Variants in ATP2C2 observed in about 807,000 individuals in gnomAD.
The protein encoded by ATP2C2 is calcium-transporting ATPase type 2C member 2.
A neutral mutation model predicts 110.8 loss-of-function variants in ATP2C2; 171 were observed. The ratio of observed to expected loss-of-function variants is 1.54; its 90% CI spans 1.36 to 1.75. ATP2C2 has a LOEUF of 1.75. Among genes scored for constraint, ATP2C2 ranks in the 40% most tolerant of loss-of-function variants. ATP2C2 has a pLI of 0.00. For synonymous variants in ATP2C2, 804 were observed against 508.4 expected, an observed-to-expected ratio of 1.58 and a Z score of -7.82; for missense variants, 1,963 against 1,235.0, an observed-to-expected ratio of 1.59 and a Z score of -8.84.
intron 2 of ATP2C2, among the ~76,000 whole-genome samples, chr16:84,403,125 G>C (rs991903298): frequency 1.3e-5 from 2 of 152,000 alleles, no homozygotes; most frequent in Admixed American, 6.6e-5. Context: ...TATAATTTGT[G>C]AAGTTTCCTT....
intron 4 of ATP2C2, among the ~76,000 whole-genome samples, chr16:84,409,425 T>G (rs1043726207): frequency 3.3e-5 from 5 of 152,156 alleles, no homozygotes; most frequent in South Asian, 2.1e-4. Context: ...GTTGTGCACA[T>G]GTACCCTAGA....
intron 15 of ATP2C2, among the ~76,000 whole-genome samples, chr16:84,443,937 C>T (rs984096526): frequency 6.6e-6 from 1 of 152,112 alleles, no homozygotes; most frequent in African/African-American, 2.4e-5. Flanking sequence ...GAGGCTAAGG[C>T]GGGAGGATCA....
intron 11 of ATP2C2, 100 bp downstream of exon 11, chr16:84,425,901 G>A: frequency 2.1e-6 from 3 of 1,443,858 alleles, no homozygotes; most frequent in Non-Finnish European, 2.9e-6. Flanking sequence ...AGAATAGGAA[G>A]GGTTGGGAAG....
At chr16:84,459,670 T>TC in intron 23 of ATP2C2, 1 of 1,296,864 alleles carries the variant, frequency 7.7e-7, no homozygotes, top group South Asian at 1.3e-5. Context: ...CATGCTTCAT[T>TC]CCAGTCACCA....
chr16:84,399,211 C>T (rs2045532052), intron 2 of ATP2C2, among the ~76,000 whole-genome samples: 1 of 152,144 alleles, frequency 6.6e-6, no homozygotes, highest in Admixed American at 6.5e-5. Context: ...AATAAAAAGC[C>T]CCCAGGAAAA....
chr16:84,400,689 C>G (rs1423344776), intron 2 of ATP2C2, among the ~76,000 whole-genome samples: 1 of 152,162 alleles, frequency 6.6e-6, no homozygotes, highest in East Asian at 1.9e-4. Flanking sequence ...TACATTCCTA[C>G]CAACAGTGTA....
At chr16:84,405,991 C>G (rs777399962) in intron 3 of ATP2C2, among the ~76,000 whole-genome samples, 1 of 152,176 alleles carries the variant, frequency 6.6e-6, no homozygotes, top group Non-Finnish European at 1.5e-5. Context: ...AAGTGTGTCC[C>G]AATACAGTGG....
chr16:84,405,532 C>T (rs1044402443), intron 3 of ATP2C2, among the ~76,000 whole-genome samples: 26 of 152,318 alleles, frequency 1.7e-4, no homozygotes, highest in African/African-American at 5.5e-4. Context: ...CTCCTAATCC[C>T]GCCTTTGCAC....
intron 11 of ATP2C2, among the ~76,000 whole-genome samples, chr16:84,430,850 C>T (rs8044994): frequency 0.36 from 54,667 of 151,730 alleles, 10,036 homozygotes; most frequent in South Asian, 0.39. Context: ...ATGGAAGAGA[C>T]AGACTTCAAA....
intron 1 of ATP2C2, among the ~76,000 whole-genome samples, chr16:84,370,307 C>T (rs905178442): frequency 2.0e-5 from 3 of 152,234 alleles, no homozygotes; most frequent in African/African-American, 7.2e-5. Flanking sequence ...GTGCTCTCAG[C>T]AGCATCCTGA....
chr16:84,433,395 CAAAAG>C (rs888035186), intron 11 of ATP2C2, among the ~76,000 whole-genome samples: 11 of 139,010 alleles, frequency 7.9e-5, no homozygotes, highest in Admixed American at 1.4e-4. Flanking sequence ...AAAACAAAAA[CAAAAG>C]AAAACCAAAA....
chr16:84,370,939 A>T (rs1219734531), intron 1 of ATP2C2, among the ~76,000 whole-genome samples: 2 of 152,166 alleles, frequency 1.3e-5, no homozygotes. Flanking sequence ...TGAGGATGTG[A>T]GGCTCCTAGT....
chr16:84,405,673 A>G (rs1905701941), intron 3 of ATP2C2, among the ~76,000 whole-genome samples: 1 of 152,136 alleles, frequency 6.6e-6, no homozygotes, highest in Non-Finnish European at 1.5e-5. Flanking sequence ...TAATCCAAGC[A>G]CTTTGGGCGG....
chr16:84,442,740 G>A, intron 15 of ATP2C2, 141 bp downstream of exon 15: 1 of 781,118 alleles, frequency 1.3e-6, no homozygotes, highest in South Asian at 1.5e-5. Flanking sequence ...CTGGCCTTGG[G>A]CCATCTGTTG....
rs62048828 is a variant in ATP2C2, at chr16:84,399,692, C to G, written c.210+1083C>G. ...GGTTCCAGAGATACTTTGATACAGG[C>G]ATACGCTATAATAATCACATCAGGG... is the stretch of plus-strand genomic sequence containing the variant. On this transcript the variant is annotated intron_variant, in intron 2 of 26. Transcript: ENST00000262429. Among the ~76,000 whole-genome samples the G allele has an allele frequency of 9.5e-3, 1,452 of 152,232 alleles. 30 individuals are homozygous for G. Among genetic ancestry groups the G allele is most frequent in the African/African-American group, 0.033 (1,357 of 41,542 alleles).
In ATP2C2 at chr16:84,426,797, G is replaced by A. The variant is rs541014552; in HGVS notation, c.986+996G>A. Among the ~76,000 whole-genome samples, 27 of 152,302 alleles carry A rather than the reference G, an allele frequency of 1.8e-4. No homozygotes were observed. The South Asian group carries it at 4.6e-3, about 26-fold the overall frequency. ...GGATGTAGAGCCCAAGGCCACACGCGGACAGCAGGGCTGGGAGTCATCATC... is the reference window on the plus strand; with the variant it reads ...GGATGTAGAGCCCAAGGCCACACGCAGACAGCAGGGCTGGGAGTCATCATC... On this transcript the variant is annotated intron_variant, in intron 11 of 26. Coordinates refer to ENST00000262429, the MANE Select transcript of ATP2C2 (RefSeq NM_014861.4).
At chr16:84,390,354 C>T (rs1461810117) in intron 1 of ATP2C2, among the ~76,000 whole-genome samples, 2 of 152,220 alleles carry the variant, frequency 1.3e-5, no homozygotes, top group African/African-American at 4.8e-5. Context: ...ACGTGCACTT[C>T]GTGGTCCCCT....
intron 1 of ATP2C2, among the ~76,000 whole-genome samples, chr16:84,383,735 C>CGGTGTGTGTGTGTGTGTGTG: frequency 7.3e-6 from 1 of 137,668 alleles, no homozygotes; most frequent in Non-Finnish European, 1.6e-5. Flanking sequence ...CTGAATACAT[C>CGGTGTGTGTGTGTGTGTGTG]TGTGTGTGTG....
At chr16:84,442,441 A>G (rs957278239) in intron 14 of ATP2C2, 69 bp from the exon 15 acceptor site, 2 of 1,454,394 alleles carry the variant, frequency 1.4e-6, no homozygotes, top group African/African-American at 2.8e-5. Flanking sequence ...AAAATGGGAC[A>G]GGCCCACAAT....
Sources: gnomAD v4.1 joint callset for allele counts (sites outside exome capture counted in the v4.1 genomes callset) on GRCh38, gnomAD v4.1.1 for gene constraint, MANE v1.5 for transcripts, NCBI Gene and HGNC (gene_info 2026-07-23, HGNC 2026-07-21) for gene names.